PTCH2: variants seen among roughly 807,000 people sequenced by gnomAD.
PTCH2 encodes patched 2.
Under a neutral mutation model 117.9 loss-of-function variants are expected in PTCH2, and 96 were observed. The ratio of observed to expected loss-of-function variants is 0.81; its 90% CI spans 0.69 to 0.96. The LOEUF (loss-of-function observed/expected upper bound fraction) is 0.96, where lower values mean the gene tolerates loss of function less well. Ranked by LOEUF, PTCH2 falls within the 50% of genes least tolerant of loss-of-function variation. The probability of loss-of-function intolerance (pLI) is 0.00; values close to 1 mark genes in which losing one functional copy is unlikely to be tolerated. For missense variants in PTCH2, 1,379 were observed against 1,562.5 expected, an observed-to-expected ratio of 0.88 and a Z score of 1.98; for synonymous variants, 615 against 660.9, an observed-to-expected ratio of 0.93 and a Z score of 1.06.
rs1652960635 is a variant in PTCH2, at chr1:44,822,670, CT to C, written c.3358-2del. The C allele has an allele frequency of 6.2e-7, 1 of 1,613,844 alleles. No homozygotes were observed. The highest frequency in any genetic ancestry group is 2.2e-5 in the East Asian group (1 of 44,882). Reference sequence around the variant, plus strand: ...GGCTTTCCTTGTACATCTGTATCACCTGTGGGGAGACACCAGCCCCAGTAAG... The same window carrying C: ...GGCTTTCCTTGTACATCTGTATCACCGTGGGGAGACACCAGCCCCAGTAAG... On this transcript the variant is annotated splice_acceptor_variant, in intron 21 of 21. Coordinates refer to ENST00000372192, the MANE Select transcript of PTCH2 (RefSeq NM_003738.5). LOFTEE classifies it high-confidence loss of function.
chr1:44,836,024 G>A (rs1653670930), intron 2 of PTCH2, among the ~76,000 whole-genome samples: 1 of 152,168 alleles, frequency 6.6e-6, no homozygotes, highest in Admixed American at 6.5e-5. Context: ...GATGGAGATT[G>A]GCCACAGGGT....
chr1:44,839,361 CAAAAAAAA>C (rs57053705), intron 2 of PTCH2, among the ~76,000 whole-genome samples: 22,058 of 75,676 alleles, frequency 0.29, 2,099 homozygotes, highest in Admixed American at 0.43. Flanking sequence ...GACTTACTCT[CAAAAAAAA>C]AAAAAAAAAA....
chr1:44,821,738 T>C, downstream of PTCH2: 1 of 1,238,550 alleles, frequency 8.1e-7, no homozygotes, highest in Non-Finnish European at 1.0e-6. Context: ...CAAAATTTGT[T>C]ATCGTTTTGT....
chr1:44,822,023 T>C lies in PTCH2; in HGVS notation c.*392A>G, dbSNP rs1470640549. The C allele has an allele frequency of 7.6e-7, 1 of 1,314,704 alleles. No individual in the cohort carries two copies. The highest frequency in any genetic ancestry group is 2.7e-5 in the Admixed American group (1 of 37,208). The allele number at this position is 1,314,704 out of a possible 1,614,324, so 81.4% of individuals were successfully genotyped here. A position where few individuals can be genotyped will look rare whatever the true frequency, so the allele number is the denominator to read the frequency against. ...GTATGTATACTACAAAAATAGACAT[T>C]TTCATATAAATAATGGATGTGGTAG... On this transcript the variant is annotated 3_prime_UTR_variant, in exon 22 of 22. Coordinates refer to ENST00000372192, the MANE Select transcript of PTCH2 (RefSeq NM_003738.5).
rs2148870726 is a variant in PTCH2, at chr1:44,822,013, A to C, written c.*402T>G. Reference sequence around the variant, plus strand: ...TAGCTAACATGTATGTATACTACAAAAATAGACATTTTCATATAAATAATG... The same window carrying C: ...TAGCTAACATGTATGTATACTACAACAATAGACATTTTCATATAAATAATG... On this transcript the variant is annotated 3_prime_UTR_variant, in exon 22 of 22. Transcript: ENST00000372192. 4 of 1,311,012 alleles carry C rather than the reference A, an allele frequency of 3.1e-6. No homozygotes were observed. Among genetic ancestry groups the C allele is most frequent in the Non-Finnish European group, 4.0e-6 (4 of 1,004,384 alleles). The allele number at this position is 1,311,012 out of a possible 1,614,324, so 81.2% of individuals were successfully genotyped here.
In PTCH2 at chr1:44,829,179, G is replaced by T; in HGVS notation, c.1349C>A (p.Thr450Asn). The change falls in exon 10 of 22, where the codon ACC (threonine) becomes AAC (asparagine). Residue 450 changes from threonine (T) to asparagine (N), a missense_variant. Coordinates refer to ENST00000372192, the MANE Select transcript of PTCH2 (RefSeq NM_003738.5). The stretch of plus-strand genomic sequence containing the variant: ...TACCTGGGTAGTGGCAGCATTGAAG[G>T]TGATGCCGAGCAGGGCACAGAGCCC... ...GLGLCALLGI[T>N]FNAATTQVLP... is the part of the protein sequence containing the mutation. 2.5e-6 allele frequency: 4 copies of T among 1,613,756 alleles called. No individual in the cohort carries two copies. Among genetic ancestry groups the T allele is most frequent in the Non-Finnish European group, 3.4e-6 (4 of 1,180,038 alleles).
At position 44,831,700 on chromosome 1, in the gene PTCH2, A is replaced by G. The variant is rs1653451871; in HGVS notation, c.617+6T>C. On this transcript the variant is annotated splice_donor_region_variant and intron_variant, in intron 5 of 21. Coordinates refer to ENST00000372192, the MANE Select transcript of PTCH2 (RefSeq NM_003738.5). The surrounding 1 kb of genome is among the most constrained non-coding windows in gnomAD (Gnocchi z 4.3). The stretch of plus-strand genomic sequence containing the variant: ...GATGAAGCAGGGCCCCAGGAGTGGC[A>G]CTCACGGCAGGTAGGCGGAGCCCCC... The G allele has an allele frequency of 1.3e-6, 2 of 1,554,842 alleles. No individual in the cohort carries two copies. The highest frequency in any genetic ancestry group is 8.7e-7 in the Non-Finnish European group (1 of 1,148,276).
chr1:44,829,617 C>A lies in PTCH2; in HGVS notation c.1080G>T (p.Val360=), dbSNP rs11573579. 8.8e-3 allele frequency: 14,200 copies of A among 1,614,206 alleles called. 79 individuals carry two copies. The highest frequency in any genetic ancestry group is 0.011 in the Non-Finnish European group (12,587 of 1,180,046). Reference sequence around the variant, plus strand: ...CCTTGTCCTTGTCCATACCGACCTGCACAAAGCGCCGCTGCCAGGCTTGTA... The same window carrying A: ...CCTTGTCCTTGTCCATACCGACCTGAACAAAGCGCCGCTGCCAGGCTTGTA... ...TVLQAWQRRF[V]QLAQEALPEN... is the part of the protein sequence containing the mutation. The change falls in exon 8 of 22, where the codon GTG becomes GTT. Residue 360 remains valine (V), a synonymous_variant. Transcript: ENST00000372192.
intron 11 of PTCH2, among the ~76,000 whole-genome samples, 174 bp from the exon 12 acceptor site, chr1:44,828,805 G>A (rs1653285918): frequency 6.6e-6 from 1 of 152,204 alleles, no homozygotes; most frequent in South Asian, 2.1e-4. Context: ...CATTCAACTT[G>A]AGTTACCTCA....
chr1:44,821,182 G>T (rs1652895600), downstream of PTCH2, among the ~76,000 whole-genome samples: 1 of 152,092 alleles, frequency 6.6e-6, no homozygotes, highest in African/African-American at 2.4e-5. Flanking sequence ...GGAAGGGGCA[G>T]TTGCAAACCT....
intron 11 of PTCH2, 72 bp from the exon 12 acceptor site, chr1:44,828,703 G>T: frequency 6.4e-7 from 1 of 1,567,354 alleles, no homozygotes; most frequent in Non-Finnish European, 8.6e-7. Flanking sequence ...GTGAAGGGGA[G>T]GCTCAGGAAC....
At chr1:44,821,854 C>T (rs1652924687), downstream of PTCH2, 4 of 1,365,326 alleles carry the variant, frequency 2.9e-6, no homozygotes, top group Non-Finnish European at 2.9e-6. Flanking sequence ...CAGGTCCTGG[C>T]ACCAGAGAAG....
At chr1:44,836,036 G>C (rs1653671169) in intron 2 of PTCH2, among the ~76,000 whole-genome samples, 1 of 152,172 alleles carries the variant, frequency 6.6e-6, no homozygotes, top group Non-Finnish European at 1.5e-5. Flanking sequence ...CCACAGGGTG[G>C]TGCTGTGGAG....
In PTCH2 at chr1:44,829,712, A is replaced by G; in HGVS notation, c.985T>C (p.Tyr329His). 1 of 1,614,232 alleles carries G rather than the reference A, an allele frequency of 6.2e-7. No individual in the cohort carries two copies. Among genetic ancestry groups the G allele is most frequent in the Non-Finnish European group, 8.5e-7 (1 of 1,180,032 alleles). The change falls in exon 8 of 22, where the codon TAC (tyrosine) becomes CAC (histidine). Residue 329 changes from tyrosine to histidine, a missense_variant. Tyr to His is a moderately conservative substitution (Grantham distance 83). Transcript: ENST00000372192. ...TGATAGTCACCCCGGAAATGCTCGTACAGCTGGCGGGGACTCATCAGCAAG... is the reference window on the plus strand; with the variant it reads ...TGATAGTCACCCCGGAAATGCTCGTGCAGCTGGCGGGGACTCATCAGCAAG... The part of the protein sequence containing the change: ...TFLLMSPRQL[Y>H]EHFRGDYQTH...
At chr1:44,840,195 C>G (rs1034583640) in intron 2 of PTCH2, among the ~76,000 whole-genome samples, 1 of 151,224 alleles carries the variant, frequency 6.6e-6, no homozygotes, top group Non-Finnish European at 1.5e-5. Flanking sequence ...CTCCGCCTCC[C>G]AGGTTCAAGC....
chr1:44,822,286 C>T lies in PTCH2; in HGVS notation c.*129G>A. The T allele has an allele frequency of 6.3e-7, 1 of 1,582,998 alleles. No homozygotes were observed. The highest frequency in any genetic ancestry group is 1.1e-5 in the South Asian group (1 of 88,350). ...TGGATATCAGGGAGGCCCATGACAG[C>T]TGGGTCGGGAGAGGGGATGCAGCAG... On this transcript the variant is annotated 3_prime_UTR_variant, in exon 22 of 22. Coordinates refer to ENST00000372192, the MANE Select transcript of PTCH2 (RefSeq NM_003738.5).
At chr1:44,822,824 C>T (rs532540500) in intron 21 of PTCH2, among the ~76,000 whole-genome samples, 155 bp from the exon 22 acceptor site, 35 of 152,250 alleles carry the variant, frequency 2.3e-4, no homozygotes, top group Middle Eastern at 6.8e-3. Context: ...GATGTTGAGG[C>T]CTGGGGCAAA....
rs925214152 is a variant in PTCH2, at chr1:44,827,672, G to T, written c.2101C>A (p.Leu701Ile). 2 of 1,612,512 alleles carry T rather than the reference G, an allele frequency of 1.2e-6. No individual in the cohort carries two copies. Among genetic ancestry groups the T allele is most frequent in the African/African-American group, 2.7e-5 (2 of 74,926 alleles). ...TCTTGCACCAAGGTGGCTCCGTAGA[G>T]GCTCAGGCCCAGAAGAGCACCAAAG... is the stretch of plus-strand genomic sequence containing the variant. Reference protein sequence around the residue: ...VLFGALLGLSLYGATLVQDGL... With the variant: ...VLFGALLGLSIYGATLVQDGL... Residue 701 changes from leucine to isoleucine, a missense_variant, in exon 15 of 22, where the codon CTC becomes ATC. Coordinates refer to ENST00000372192, the MANE Select transcript of PTCH2 (RefSeq NM_003738.5).
Position 44,826,123 on chromosome 1 carries a change from G to A in PTCH2, c.3114+127C>T. On this transcript the variant is annotated intron_variant, in intron 19 of 21. Coordinates refer to ENST00000372192, the MANE Select transcript of PTCH2 (RefSeq NM_003738.5). The surrounding 1 kb of genome is among the most constrained non-coding windows in gnomAD (Gnocchi z 5.1). Reference sequence around the variant, plus strand: ...GGCCTCCCAAAGTGCTGGGATTACAGGAATGAGCTACCACGTCCACCCAGC... The same window carrying A: ...GGCCTCCCAAAGTGCTGGGATTACAAGAATGAGCTACCACGTCCACCCAGC... 1 of 1,303,828 alleles carries A rather than the reference G, an allele frequency of 7.7e-7. No individual in the cohort carries two copies. 80.8% of individuals were successfully genotyped at this position (1,303,828 alleles called of 1,614,324 possible).
Sources: allele counts gnomAD v4.1 joint callset (sites outside exome capture counted in the v4.1 genomes callset), GRCh38; gene constraint gnomAD v4.1.1; non-coding constraint Gnocchi (gnomAD v3.1); transcripts MANE v1.5; gene names NCBI Gene and HGNC (gene_info 2026-07-23, HGNC 2026-07-21).